SYNPO2: variants seen among roughly 807,000 people sequenced by gnomAD.
SYNPO2 encodes the protein synaptopodin-2.
SYNPO2 carries 56 observed loss-of-function variants against 85.0 expected under a neutral mutation model. The ratio of observed to expected loss-of-function variants is 0.66; its 90% CI spans 0.53 to 0.82. SYNPO2 has a LOEUF of 0.82. Among genes scored for constraint, SYNPO2 ranks in the 40% least tolerant of loss-of-function variants. SYNPO2 has a pLI of 0.00. For missense variants in SYNPO2, 1,575 were observed against 1,534.2 expected, an observed-to-expected ratio of 1.03 and a Z score of -0.44; for synonymous variants, 602 against 591.1, an observed-to-expected ratio of 1.02 and a Z score of -0.27.
chr4:118,923,347 T>C (rs1041712525), intron 1 of SYNPO2, among the ~76,000 whole-genome samples: 1 of 151,914 alleles, frequency 6.6e-6, no homozygotes, highest in Non-Finnish European at 1.5e-5. Flanking sequence ...AAACATTGAG[T>C]ACACATGAAC....
Position 119,029,919 on chromosome 4 carries a change from C to T in SYNPO2, c.1144C>T (p.Leu382Phe). 1 of 1,612,886 alleles carries T rather than the reference C, an allele frequency of 6.2e-7. No homozygotes were observed. Among genetic ancestry groups the T allele is most frequent in the Non-Finnish European group, 8.5e-7 (1 of 1,179,422 alleles). Residue 382 changes from leucine to phenylalanine, a missense_variant, in exon 4 of 5, where the codon CTT becomes TTT. Leu to Phe is a conservative substitution (Grantham distance 22). This residue lies in a region of SYNPO2 where 1,508 missense variants were observed against 1,446.8 expected (regional missense o/e 1.04). Coordinates refer to ENST00000307142, the MANE Select transcript of SYNPO2 (RefSeq NM_133477.3). ...ATCTAAATGCAAAAGCATTGCCCTT[C>T]TTCTAACGGATGCTCCCAACCCCAA... ...AKSKCKSIAL[L>F]LTDAPNPNSK...
At chr4:119,018,776 TG>T (rs1383435779) in intron 1 of SYNPO2, among the ~76,000 whole-genome samples, 1 of 152,158 alleles carries the variant, frequency 6.6e-6, no homozygotes, top group Admixed American at 6.6e-5. Flanking sequence ...AATAATTTAT[TG>T]TATACTTCAG....
In SYNPO2 at chr4:119,003,310, A is replaced by G. The variant is rs544725299; in HGVS notation, c.106-20120A>G. 1.4e-4 allele frequency among the ~76,000 whole-genome samples: 22 copies of G among 152,226 alleles called. No homozygotes were observed. In the East Asian group the frequency reaches 3.7e-3, roughly 25 times the overall value. ...ACTGCCAAACACATAAAACCATCAG[A>G]TCTCATGAGAACTCACTATCATGAG... is the stretch of plus-strand genomic sequence containing the variant. On this transcript the variant is annotated intron_variant, in intron 1 of 4. Coordinates refer to ENST00000307142, the MANE Select transcript of SYNPO2 (RefSeq NM_133477.3).
intron 1 of SYNPO2, among the ~76,000 whole-genome samples, chr4:118,901,418 A>G (rs987812767): frequency 6.6e-6 from 1 of 152,174 alleles, no homozygotes. Context: ...CATATTCCAA[A>G]TTATCTTCTT....
chr4:118,891,464 TG>T (rs1732378010), intron 1 of SYNPO2, among the ~76,000 whole-genome samples: 1 of 152,234 alleles, frequency 6.6e-6, no homozygotes, highest in South Asian at 2.1e-4. Context: ...GCACAATTTT[TG>T]TTGGTCTTTT....
chr4:119,039,111 A>T (rs1203035987), intron 4 of SYNPO2, among the ~76,000 whole-genome samples: 1 of 152,170 alleles, frequency 6.6e-6, no homozygotes, highest in Non-Finnish European at 1.5e-5. Context: ...GGTAACAATT[A>T]TGGGGGCTTA....
At chr4:118,886,420 AG>A (rs1220285818), upstream of SYNPO2, among the ~76,000 whole-genome samples, 1 of 152,024 alleles carries the variant, frequency 6.6e-6, no homozygotes, top group African/African-American at 2.4e-5. Context: ...ACCCTCCGAC[AG>A]GCCTCAGTGT....
upstream of SYNPO2, among the ~76,000 whole-genome samples, chr4:118,884,726 C>T (rs562728136): frequency 2.2e-4 from 33 of 152,288 alleles, no homozygotes; most frequent in African/African-American, 7.9e-4. Context: ...CTTTGTCTCT[C>T]TTTTCTATGT....
chr4:118,943,211 C>T (rs947022289), intron 1 of SYNPO2, among the ~76,000 whole-genome samples: 2 of 152,130 alleles, frequency 1.3e-5, no homozygotes, highest in Non-Finnish European at 2.9e-5. Flanking sequence ...CAACCATGTC[C>T]CCAGACTTCT....
intron 4 of SYNPO2, among the ~76,000 whole-genome samples, chr4:119,054,137 G>T (rs1739136489): frequency 6.6e-6 from 1 of 152,248 alleles, no homozygotes; most frequent in Non-Finnish European, 1.5e-5. Flanking sequence ...AGTGAGTGTG[G>T]GATCTGGCTG....
chr4:119,023,359 T>C, intron 1 of SYNPO2, 71 bp from the exon 2 acceptor site: 1 of 1,476,672 alleles, frequency 6.8e-7, no homozygotes, highest in East Asian at 2.4e-5. Flanking sequence ...CAGATTTGTT[T>C]CTCAGAGATG....
chr4:118,937,319 T>C (rs1235489958), intron 1 of SYNPO2, among the ~76,000 whole-genome samples: 1 of 152,120 alleles, frequency 6.6e-6, no homozygotes, highest in African/African-American at 2.4e-5. Context: ...CCTTGGGACC[T>C]CTGCACATAC....
chr4:118,975,049 G>A (rs963240872), intron 1 of SYNPO2, among the ~76,000 whole-genome samples: 1 of 152,100 alleles, frequency 6.6e-6, no homozygotes, highest in Admixed American at 6.5e-5. Flanking sequence ...TTTCAATATG[G>A]TTCTACCCCA....
intron 1 of SYNPO2, among the ~76,000 whole-genome samples, chr4:118,852,413 C>T (rs1347453662): frequency 1.3e-5 from 2 of 152,132 alleles, no homozygotes; most frequent in Admixed American, 6.5e-5. Context: ...TAAAGAAACA[C>T]GCACACGTAT....
chr4:119,031,814 T>A lies in SYNPO2; in HGVS notation c.3039T>A (p.Ala1013=). 6.2e-7 allele frequency: 1 copy of A among 1,614,236 alleles called. No individual in the cohort carries two copies. The highest frequency in any genetic ancestry group is 8.5e-7 in the Non-Finnish European group (1 of 1,180,046). The change falls in exon 4 of 5, where the codon GCT becomes GCA. Residue 1013 remains alanine (A), a synonymous_variant. Transcript: ENST00000307142. ...KQALPPRPVN[A]ASPTNVQASS... is the part of the protein sequence containing the mutation. The stretch of plus-strand genomic sequence containing the variant: ...CTCTTCCTCCCCGGCCAGTGAATGC[T>A]GCCTCACCTACGAATGTGCAGGCTT...
intron 1 of SYNPO2, among the ~76,000 whole-genome samples, chr4:118,883,575 TG>T (rs899588954): frequency 6.6e-6 from 1 of 152,184 alleles, no homozygotes; most frequent in Admixed American, 6.5e-5. Context: ...AATGAATAAA[TG>T]GTAGTATAAA....
chr4:118,861,271 G>A (rs1279526058), intron 1 of SYNPO2, among the ~76,000 whole-genome samples: 1 of 152,118 alleles, frequency 6.6e-6, no homozygotes, highest in Non-Finnish European at 1.5e-5. Flanking sequence ...TCCTGCCTCA[G>A]CCTCCTGAGT....
In SYNPO2 at chr4:119,061,061, T is replaced by G. The variant is rs1465122502; in HGVS notation, c.*3127T>G. The G allele has an allele frequency of 6.6e-6, 1 of 152,112 alleles. No homozygotes were observed. The highest frequency in any genetic ancestry group is 1.5e-5 in the Non-Finnish European group (1 of 68,016). 9.4% of individuals were successfully genotyped at this position (152,112 alleles called of 1,614,324 possible). ...TTTGTTTTTTTAAGAGAAAGTAAAT[T>G]TTCACATTAGATTTCTATTCAAAGT... On this transcript the variant is annotated 3_prime_UTR_variant, in exon 5 of 5. Transcript: ENST00000307142.
upstream of SYNPO2, among the ~76,000 whole-genome samples, chr4:118,885,450 A>C (rs1732181061): frequency 6.6e-6 from 1 of 151,276 alleles, no homozygotes. Flanking sequence ...CAAACTATTT[A>C]GAAGTTAGAT....
Sources: gnomAD v4.1 joint callset for allele counts (sites outside exome capture counted in the v4.1 genomes callset) on GRCh38, gnomAD v4.1.1 for gene constraint, gnomAD v4.1.1 regional missense constraint, MANE v1.5 for transcripts, NCBI Gene and HGNC (gene_info 2026-07-23, HGNC 2026-07-21) for gene names.